RGS9: variants seen among roughly 807,000 people sequenced by gnomAD.
RGS9 encodes the protein regulator of G-protein signalling 9.
A neutral mutation model predicts 102.0 loss-of-function variants in RGS9; 78 were observed. That is an observed-to-expected ratio of 0.76 (90% CI 0.64 to 0.92). RGS9 has a LOEUF of 0.92. Ranked by LOEUF, RGS9 falls within the 40% of genes least tolerant of loss-of-function variation. RGS9 has a pLI of 0.00. For missense variants in RGS9, 833 were observed against 866.1 expected, an observed-to-expected ratio of 0.96 and a Z score of 0.48; for synonymous variants, 353 against 318.6, an observed-to-expected ratio of 1.11 and a Z score of -1.15.
At chr17:65,202,408 GGTGTGT>G (rs746368093) in intron 14 of RGS9, among the ~76,000 whole-genome samples, 43 of 132,338 alleles carry the variant, frequency 3.2e-4, no homozygotes, top group African/African-American at 9.7e-4. Context: ...TGTCCTGAGG[GGTGTGT>G]GTGTGTGTGT....
intron 15 of RGS9, among the ~76,000 whole-genome samples, chr17:65,206,377 G>A (rs181612715): frequency 6.6e-6 from 1 of 152,170 alleles, no homozygotes; most frequent in Admixed American, 6.5e-5. Context: ...AAACGTTTTG[G>A]TTCTTAAAAA....
Position 65,227,459 on chromosome 17 carries a change from G to A in RGS9, c.*52G>A. ...TCTGGACCAGGAAGATGCTCTGACA[G>A]ATGCCATGGTATGGGCCACAGGACA... On this transcript the variant is annotated 3_prime_UTR_variant, in exon 19 of 19. Coordinates refer to ENST00000262406, the MANE Select transcript of RGS9 (RefSeq NM_003835.4). The A allele has an allele frequency of 1.9e-6, 3 of 1,580,796 alleles. No homozygotes were observed. The highest frequency in any genetic ancestry group is 2.6e-6 in the Non-Finnish European group (3 of 1,162,960).
At chr17:65,139,846 C>T (rs1403474204) in intron 1 of RGS9, among the ~76,000 whole-genome samples, 1 of 152,188 alleles carries the variant, frequency 6.6e-6, no homozygotes, top group South Asian at 2.1e-4. Flanking sequence ...GAGCAGCAGA[C>T]AGAATAAAGG....
At chr17:65,182,233 A>AG (rs1911912590) in intron 9 of RGS9, among the ~76,000 whole-genome samples, 1 of 152,212 alleles carries the variant, frequency 6.6e-6, no homozygotes, top group Non-Finnish European at 1.5e-5. Context: ...TCCCGCCAAT[A>AG]GGGGACAAAC....
At chr17:65,192,919 T>C (rs1283341921) in intron 11 of RGS9, among the ~76,000 whole-genome samples, 2 of 151,906 alleles carry the variant, frequency 1.3e-5, no homozygotes, top group Non-Finnish European at 1.5e-5. Flanking sequence ...CCAAGTTGGT[T>C]TGAATCTAAA....
intron 17 of RGS9, among the ~76,000 whole-genome samples, 193 bp from the exon 18 acceptor site, chr17:65,224,809 A>T (rs1048461409): frequency 6.6e-6 from 1 of 152,190 alleles, no homozygotes; most frequent in Non-Finnish European, 1.5e-5. Context: ...GTCCCTGGAC[A>T]GGAGGCCTCT....
chr17:65,167,123 G>T (rs1411742463), intron 7 of RGS9, among the ~76,000 whole-genome samples: 2 of 152,178 alleles, frequency 1.3e-5, no homozygotes, highest in Non-Finnish European at 2.9e-5. Flanking sequence ...GAGGAAGAAG[G>T]CCCTGCGTCA....
intron 17 of RGS9, among the ~76,000 whole-genome samples, chr17:65,216,351 T>C (rs780721139): frequency 1.3e-5 from 2 of 152,172 alleles, no homozygotes; most frequent in African/African-American, 4.8e-5. Context: ...AGAATTTTAC[T>C]GTGTCTGGTT....
At chr17:65,147,743 A>G (rs547514271) in intron 1 of RGS9, among the ~76,000 whole-genome samples, 17 of 151,824 alleles carry the variant, frequency 1.1e-4, no homozygotes, top group Non-Finnish European at 2.1e-4. Context: ...AGCATGCGCC[A>G]TCACACCCAG....
chr17:65,227,395 G>C lies in RGS9; in HGVS notation c.2013G>C (p.Trp671Cys). The stretch of plus-strand genomic sequence containing the variant: ...CAGAAAAGGAGGTCATCTGCCCCTG[G>C]GAGAGCCTGTAAGGAAAGAGGCAGG... ...RATEKEVICP[W>C]ESL Residue 671 changes from tryptophan to cysteine, a missense_variant, in exon 19 of 19, where the codon TGG becomes TGC. By Grantham distance (215) the Trp-to-Cys change is radical. This residue lies in a region of RGS9 where 320 missense variants were observed against 276.8 expected (regional missense o/e 1.16). Coordinates refer to ENST00000262406, the MANE Select transcript of RGS9 (RefSeq NM_003835.4). 1 of 1,613,776 alleles carries C rather than the reference G, an allele frequency of 6.2e-7. No homozygotes were observed. The highest frequency in any genetic ancestry group is 8.5e-7 in the Non-Finnish European group (1 of 1,179,774).
intron 15 of RGS9, among the ~76,000 whole-genome samples, chr17:65,206,540 TG>T (rs1913071020): frequency 6.6e-6 from 1 of 151,962 alleles, no homozygotes; most frequent in Non-Finnish European, 1.5e-5. Flanking sequence ...TAGCTGGGCG[TG>T]GTGGTGGATG....
rs1226058167 is a variant in RGS9 at position 65,138,022 on chromosome 17, T to A, written c.57+425T>A. On this transcript the variant is annotated intron_variant, in intron 1 of 18. Coordinates refer to ENST00000262406, the MANE Select transcript of RGS9 (RefSeq NM_003835.4). Reference sequence around the variant, plus strand: ...ACATAGACCATGAAAACGGGGTGATTTGTAGGATAAAGGGCCACCCCATTT... The same window carrying A: ...ACATAGACCATGAAAACGGGGTGATATGTAGGATAAAGGGCCACCCCATTT... Among the ~76,000 whole-genome samples, 3 of 152,146 alleles carry A rather than the reference T, an allele frequency of 2.0e-5. No individual in the cohort carries two copies. The East Asian group carries it at 5.8e-4, about 29-fold the overall frequency.
intron 9 of RGS9, among the ~76,000 whole-genome samples, chr17:65,185,958 G>A (rs1001902108): frequency 6.6e-6 from 1 of 152,144 alleles, no homozygotes; most frequent in African/African-American, 2.4e-5. Context: ...CAGGAGCCCT[G>A]TGCCCCCATG....
chr17:65,140,799 C>CG (rs1910127491), intron 1 of RGS9, among the ~76,000 whole-genome samples: 2 of 152,096 alleles, frequency 1.3e-5, no homozygotes, highest in South Asian at 4.2e-4. Flanking sequence ...TGCTTGAACC[C>CG]GGGAGGTGGA....
intron 9 of RGS9, 190 bp from the exon 10 acceptor site, chr17:65,189,096 G>C (rs11658773): frequency 6.5e-6 from 4 of 611,538 alleles, no homozygotes; most frequent in Non-Finnish European, 8.8e-6. Flanking sequence ...AAAATCTCTT[G>C]CTTGGTATTT....
At chr17:65,217,383 G>A (rs1298789689) in intron 17 of RGS9, among the ~76,000 whole-genome samples, 1 of 152,166 alleles carries the variant, frequency 6.6e-6, no homozygotes, top group Non-Finnish European at 1.5e-5. Flanking sequence ...AGAGAGTTTG[G>A]AGTTGCTGTA....
chr17:65,137,680 G>A, intron 1 of RGS9, 83 bp downstream of exon 1: 2 of 1,377,340 alleles, frequency 1.5e-6, no homozygotes, highest in Non-Finnish European at 2.1e-6. Context: ...AGGGGCAGGA[G>A]TGGAGAGCAC....
intron 8 of RGS9, among the ~76,000 whole-genome samples, chr17:65,175,304 C>T (rs1006427635): frequency 6.6e-5 from 10 of 151,744 alleles, no homozygotes; most frequent in African/African-American, 1.9e-4. Flanking sequence ...AGTGTGTGAA[C>T]GTGCCAAAGT....
chr17:65,160,736 T>C lies in RGS9; in HGVS notation c.365-115T>C, dbSNP rs1910950644. 4.3e-6 allele frequency: 6 copies of C among 1,388,646 alleles called. No individual in the cohort carries two copies. The East Asian group carries it at 1.4e-4, about 32-fold the overall frequency. 86.0% of individuals were successfully genotyped at this position (1,388,646 alleles called of 1,614,324 possible). A position where few individuals can be genotyped will look rare whatever the true frequency, so the allele number is the denominator to read the frequency against. On this transcript the variant is annotated intron_variant, in intron 5 of 18. Transcript: ENST00000262406. ...GGGCATGTCCCCAGGGGCAAGGGGC[T>C]GGGTGTGCTGAGCGTTCTCTCCCCG...
Sources: gnomAD v4.1 joint callset for allele counts (sites outside exome capture counted in the v4.1 genomes callset) on GRCh38, gnomAD v4.1.1 for gene constraint, gnomAD v4.1.1 regional missense constraint, MANE v1.5 for transcripts, NCBI Gene and HGNC (gene_info 2026-07-23, HGNC 2026-07-21) for gene names.